The following CTBP1 variants were observed in gnomAD, a reference collection of about 807,000 sequenced individuals.
CTBP1 encodes the protein C-terminal binding protein 1.
In CTBP1, 11 loss-of-function variants were observed where a neutral mutation model predicts 42.1. That is an observed-to-expected ratio of 0.26 (90% confidence interval 0.16 to 0.43). The LOEUF (loss-of-function observed/expected upper bound fraction) is 0.43. Ranked by LOEUF, CTBP1 falls within the 20% of genes least tolerant of loss-of-function variation. The pLI is 1.00. For missense variants in CTBP1, 399 were observed against 624.3 expected (o/e 0.64, Z 3.85); for synonymous variants, 324 against 277.1 (o/e 1.17, Z -1.68).
intron 3 of CTBP1, 142 bp from the exon 4 acceptor site, chr4:1,228,485 G>A (rs975830971): frequency 1.8e-6 from 2 of 1,082,078 alleles, no homozygotes; most frequent in Non-Finnish European, 2.6e-6. Flanking sequence ...CACTGGGAGA[G>A]GCTACATGAA....
chr4:1,218,095 G>T (rs1378701259), intron 5 of CTBP1: 1 of 152,168 alleles, frequency 6.6e-6, no homozygotes, highest in East Asian at 1.9e-4. Context: ...GAAGCAGAGA[G>T]AAAAGAATTT....
Position 1,245,736 on chromosome 4 carries a change from G to A in CTBP1, c.-189+3180C>T, listed in dbSNP as rs11933429. 1,336 of 954,034 alleles carry A rather than the reference G, an allele frequency of 1.4e-3. 7 individuals are homozygous for A. The African/African-American group carries it at 0.018, about 13-fold the overall frequency. 59.1% of individuals were successfully genotyped at this position (954,034 alleles called of 1,614,324 possible). On this transcript the variant is annotated intron_variant, in intron 1 of 9. Transcript: ENST00000382952. ...TGGCACAAGCAGGTCAGGGTGGCAC[G>A]TGTGGGTAGGGTAGCACGGGTAGGC...
chr4:1,212,313 G>T lies in CTBP1; in HGVS notation c.1217C>A (p.Pro406Gln), dbSNP rs868716600. The change falls in exon 10 of 10, where the codon CCG becomes CAG. Residue 406 changes from proline (P) to glutamine (Q), a missense_variant. Coordinates refer to ENST00000382952, the MANE Select transcript of CTBP1 (RefSeq NM_001012614.2). ...LSHGLPPVAH[P>Q]PHAPSPGQTV... ...TTGGCCAGGAGAAGGGGCGTGGGGC[G>T]GGTGGGCCACAGGGGGCAGGCCGTG... 1 of 1,523,244 alleles carries T rather than the reference G, an allele frequency of 6.6e-7. No individual in the cohort carries two copies. The highest frequency in any genetic ancestry group is 1.2e-5 in the South Asian group (1 of 80,752). 94.4% of individuals were successfully genotyped at this position (1,523,244 alleles called of 1,614,324 possible).
At chr4:1,224,759 G>A (rs1314092060) in intron 5 of CTBP1, among the ~76,000 whole-genome samples, 4 of 151,304 alleles carry the variant, frequency 2.6e-5, no homozygotes, top group African/African-American at 9.7e-5. Context: ...ATCTGTGTGT[G>A]CCCGTGAGGT....
rs75633558 is a variant in CTBP1, at chr4:1,228,993, G to A, written c.163-650C>T. 4.4e-3 allele frequency among the ~76,000 whole-genome samples: 663 copies of A among 152,358 alleles called. 3 individuals carry two copies. The highest frequency in any genetic ancestry group is 0.014 in the African/African-American group (590 of 41,582). On this transcript the variant is annotated intron_variant, in intron 3 of 9. Transcript: ENST00000382952. The stretch of plus-strand genomic sequence containing the variant: ...TCTGAGCAGTGTTCACAACAGTCAC[G>A]TTTTTAATTTCAGTGTCCATGACAA...
At chr4:1,248,637 G>A in intron 1 of CTBP1, 1 of 976,854 alleles carries the variant, frequency 1.0e-6, no homozygotes, top group South Asian at 4.7e-5. Flanking sequence ...GCAGCCCAGA[G>A]GCCCACAGGC....
intron 5 of CTBP1, among the ~76,000 whole-genome samples, chr4:1,218,907 AC>A (rs1167210112): frequency 2.0e-5 from 3 of 152,248 alleles, no homozygotes; most frequent in Non-Finnish European, 4.4e-5. Flanking sequence ...TAGCCAGATG[AC>A]ACCGAAATCC....
chr4:1,213,214 C>A (rs1180731374), intron 8 of CTBP1, among the ~76,000 whole-genome samples, 184 bp from the exon 9 acceptor site: 1 of 152,146 alleles, frequency 6.6e-6, no homozygotes. Context: ...GCGTGGGGAC[C>A]CCCAGCCCAG....
intron 1 of CTBP1, among the ~76,000 whole-genome samples, chr4:1,246,536 G>A (rs921583513): frequency 1.3e-5 from 2 of 152,218 alleles, no homozygotes; most frequent in Non-Finnish European, 2.9e-5. Flanking sequence ...GGAGCACCAG[G>A]GCACAGCCGG....
chr4:1,249,039 C>G lies in CTBP1; in HGVS notation c.-312G>C, dbSNP rs1733085226. The G allele has an allele frequency of 1.6e-6, 1 of 616,798 alleles. No homozygotes were observed. Among genetic ancestry groups the G allele is most frequent in the Non-Finnish European group, 2.0e-6 (1 of 496,280 alleles). The allele number at this position is 616,798 out of a possible 1,614,324, so 38.2% of individuals were successfully genotyped here. On this transcript the variant is annotated 5_prime_UTR_variant, in exon 1 of 10. Transcript: ENST00000382952. ...CCGGCGCGTGGGGCGGCCTCGGCGC[C>G]GTCCGCTGCTCCGCCCGCCCGCCTG...
intron 9 of CTBP1, 172 bp from the exon 10 acceptor site, chr4:1,212,595 G>T: frequency 1.5e-6 from 1 of 661,254 alleles, no homozygotes; most frequent in Non-Finnish European, 2.5e-6. Flanking sequence ...ACTTCTCAGG[G>T]CTGGGGAGGG....
intron 2 of CTBP1, among the ~76,000 whole-genome samples, chr4:1,240,111 C>T (rs568897557): frequency 4.6e-5 from 7 of 152,362 alleles, no homozygotes; most frequent in South Asian, 2.1e-4. Flanking sequence ...CGCTCGGCTG[C>T]GTCAGAACCG....
At chr4:1,234,285 T>A (rs1577060448) in intron 3 of CTBP1, among the ~76,000 whole-genome samples, 1 of 152,254 alleles carries the variant, frequency 6.6e-6, no homozygotes, top group East Asian at 1.9e-4. Flanking sequence ...TTTTATGAGA[T>A]TTTCACTCAT....
chr4:1,228,724 G>C (rs1160010300), intron 3 of CTBP1, among the ~76,000 whole-genome samples: 1 of 152,156 alleles, frequency 6.6e-6, no homozygotes, highest in African/African-American at 2.4e-5. Flanking sequence ...CACAGGAGGG[G>C]GGGTGCGGCC....
intron 3 of CTBP1, among the ~76,000 whole-genome samples, chr4:1,229,649 G>C (rs1335906929): frequency 6.6e-6 from 1 of 152,206 alleles, no homozygotes; most frequent in Non-Finnish European, 1.5e-5. Context: ...GGCGTCCTGT[G>C]GGAGCTGACC....
intron 1 of CTBP1, 185 bp downstream of exon 1, chr4:1,248,731 G>C (rs1464254110): frequency 4.1e-6 from 4 of 980,734 alleles, no homozygotes; most frequent in Non-Finnish European, 4.8e-6. Flanking sequence ...GCATGCGCAA[G>C]ACCCTTCCCG....
chr4:1,244,354 T>TGGG (rs140716958), intron 1 of CTBP1: 16,795 of 958,582 alleles, frequency 0.018, 233 homozygotes, highest in Admixed American at 0.042. Flanking sequence ...CTCTGGGCAC[T>TGGG]GGGGGGGGGG....
intron 5 of CTBP1, among the ~76,000 whole-genome samples, chr4:1,222,544 C>G (rs893646363): frequency 1.3e-5 from 2 of 152,170 alleles, no homozygotes; most frequent in Non-Finnish European, 2.9e-5. Context: ...GCCAGGTCCA[C>G]CCTGCACTCC....
At chr4:1,223,010 C>G (rs180715791) in intron 5 of CTBP1, among the ~76,000 whole-genome samples, 1 of 152,162 alleles carries the variant, frequency 6.6e-6, no homozygotes, top group Non-Finnish European at 1.5e-5. Context: ...CAGGCGGTGA[C>G]CTGCAGGCAA....
Sources: gnomAD v4.1 joint callset for allele counts (sites outside exome capture counted in the v4.1 genomes callset) on GRCh38, gnomAD v4.1.1 for gene constraint, MANE v1.5 for transcripts, NCBI Gene and HGNC (gene_info 2026-07-23, HGNC 2026-07-21) for gene names.